DSCAM: variants seen among roughly 807,000 people sequenced by gnomAD.
DSCAM encodes the protein DS cell adhesion molecule.
In DSCAM, 47 loss-of-function variants were observed where a neutral mutation model predicts 217.7. The observed-to-expected ratio is 0.22, with a 90% CI of 0.17 to 0.28. DSCAM has a LOEUF of 0.28. Among genes scored for constraint, DSCAM ranks in the 10% least tolerant of loss-of-function variants. The pLI is 1.00. For synonymous variants in DSCAM, 1,056 were observed against 1,015.3 expected (o/e 1.04, Z -0.76); for missense variants, 2,080 against 2,618.3 (o/e 0.79, Z 4.49).
chr21:40,158,197 C>T (rs141557014), intron 16 of DSCAM, among the ~76,000 whole-genome samples: 1 of 151,982 alleles, frequency 6.6e-6, no homozygotes, highest in South Asian at 2.1e-4. Context: ...CCAGCCTGGG[C>T]AACATAGTGA....
chr21:40,696,922 C>T (rs1464160798), intron 2 of DSCAM, among the ~76,000 whole-genome samples: 1 of 152,098 alleles, frequency 6.6e-6, no homozygotes, highest in Non-Finnish European at 1.5e-5. Context: ...CACAGTAAAT[C>T]TTTTTTCTTC....
intron 23 of DSCAM, among the ~76,000 whole-genome samples, 196 bp downstream of exon 23, chr21:40,085,406 G>A (rs1393819394): frequency 1.3e-5 from 2 of 152,156 alleles, no homozygotes; most frequent in African/African-American, 2.4e-5. Context: ...TATTTCTGAG[G>A]TTGTGAATGC....
chr21:40,398,445 A>G (rs2075201903), intron 3 of DSCAM, among the ~76,000 whole-genome samples: 1 of 152,022 alleles, frequency 6.6e-6, no homozygotes, highest in Non-Finnish European at 1.5e-5. Flanking sequence ...TCCCTATCCC[A>G]TGTTTAAAAT....
At chr21:40,617,147 G>C (rs1335529043) in intron 3 of DSCAM, among the ~76,000 whole-genome samples, 2 of 131,252 alleles carry the variant, frequency 1.5e-5, no homozygotes, top group South Asian at 5.2e-4. Flanking sequence ...TTTTTAAGAC[G>C]GAGTCTTGCT....
intron 3 of DSCAM, among the ~76,000 whole-genome samples, chr21:40,452,956 A>G (rs2075732226): frequency 6.6e-6 from 1 of 152,004 alleles, no homozygotes; most frequent in African/African-American, 2.4e-5. Context: ...GGCATTTAAA[A>G]TGAGTTTGGA....
At chr21:40,449,821 C>T (rs1295201980) in intron 3 of DSCAM, among the ~76,000 whole-genome samples, 1 of 152,080 alleles carries the variant, frequency 6.6e-6, no homozygotes, top group Admixed American at 6.6e-5. Flanking sequence ...GCATACTGTA[C>T]CTCATAGGAA....
chr21:40,565,713 C>A (rs1216002706), intron 3 of DSCAM, among the ~76,000 whole-genome samples: 4 of 152,176 alleles, frequency 2.6e-5, no homozygotes, highest in African/African-American at 9.7e-5. Flanking sequence ...ATTGCCTGTC[C>A]ACATGCATCC....
At chr21:40,723,260 G>A (rs1045450490) in intron 1 of DSCAM, among the ~76,000 whole-genome samples, 1 of 152,120 alleles carries the variant, frequency 6.6e-6, no homozygotes, top group Non-Finnish European at 1.5e-5. Flanking sequence ...GGTCTCCTCA[G>A]TGTCCTAGGT....
At chr21:40,051,914 G>C (rs370592156) in intron 30 of DSCAM, 44 bp downstream of exon 30, 226 of 1,570,362 alleles carry the variant, frequency 1.4e-4, no homozygotes, top group South Asian at 6.4e-4. Context: ...TATGTTTTCA[G>C]CATTGTTAAC....
rs1018936023 is a variant in DSCAM at position 40,739,796 on chromosome 21, T to TC, written c.44-31026dup. ...TAGAGAATTAGTTTTTTTTTTTTTTTCCCCCAGAAAAGAAATTATCTCCTG... is the reference window on the plus strand; with the variant it reads ...TAGAGAATTAGTTTTTTTTTTTTTTTCCCCCCAGAAAAGAAATTATCTCCTG... On this transcript the variant is annotated intron_variant, in intron 1 of 32. Transcript: ENST00000400454. Among the ~76,000 whole-genome samples the TC allele has an allele frequency of 2.1e-4, 29 of 139,926 alleles. No individual in the cohort carries two copies. The South Asian group carries it at 3.5e-3, about 17-fold the overall frequency. 91.8% of individuals were successfully genotyped at this position (139,926 alleles called of 152,430 possible). A position where few individuals can be genotyped will look rare whatever the true frequency, so the allele number is the denominator to read the frequency against.
At chr21:40,802,497 A>G (rs1459504821) in intron 1 of DSCAM, among the ~76,000 whole-genome samples, 1 of 152,192 alleles carries the variant, frequency 6.6e-6, no homozygotes, top group Non-Finnish European at 1.5e-5. Context: ...GCAAAAGCCT[A>G]TGATATCAAT....
chr21:40,152,030 T>C (rs575348592), intron 16 of DSCAM, among the ~76,000 whole-genome samples: 4 of 152,136 alleles, frequency 2.6e-5, no homozygotes, highest in East Asian at 3.9e-4. Flanking sequence ...TTTATGATGA[T>C]GGACCTGCAG....
chr21:40,732,184 GAT>G (rs1253071968), intron 1 of DSCAM, among the ~76,000 whole-genome samples: 3 of 152,196 alleles, frequency 2.0e-5, no homozygotes, highest in Non-Finnish European at 4.4e-5. Context: ...GGACAAATGT[GAT>G]AGAATTCTGA....
intron 1 of DSCAM, among the ~76,000 whole-genome samples, chr21:40,730,788 T>TG (rs770187169): frequency 1.3e-5 from 2 of 152,202 alleles, no homozygotes; most frequent in Non-Finnish European, 2.9e-5. Context: ...TTGCATATTT[T>TG]GGGGCACCTA....
intron 8 of DSCAM, among the ~76,000 whole-genome samples, chr21:40,316,240 T>C (rs2074195390): frequency 6.6e-6 from 1 of 152,218 alleles, no homozygotes; most frequent in Non-Finnish European, 1.5e-5. Flanking sequence ...TTGCTTTGCT[T>C]GCCACATTAT....
intron 14 of DSCAM, among the ~76,000 whole-genome samples, chr21:40,186,646 C>T (rs1379968149): frequency 6.6e-6 from 1 of 152,118 alleles, no homozygotes. Context: ...GGAGGTTGCT[C>T]CAGAGTGAAT....
intron 3 of DSCAM, among the ~76,000 whole-genome samples, chr21:40,432,219 T>TAA (rs200187692): frequency 0.45 from 68,080 of 150,138 alleles, 16,084 homozygotes; most frequent in Admixed American, 0.58. Flanking sequence ...AAAAAATAAA[T>TAA]ATATAAATAA....
chr21:40,669,636 C>G (rs2090248195), intron 3 of DSCAM, among the ~76,000 whole-genome samples: 2 of 150,140 alleles, frequency 1.3e-5, no homozygotes, highest in Non-Finnish European at 3.0e-5. Context: ...CAGAGTACAG[C>G]AGCTTGATCT....
At chr21:40,572,958 T>A (rs1297708072) in intron 3 of DSCAM, among the ~76,000 whole-genome samples, 1 of 152,200 alleles carries the variant, frequency 6.6e-6, no homozygotes, top group African/African-American at 2.4e-5. Flanking sequence ...TACAATTTCT[T>A]GAGAAGATCA....
Sources: allele counts gnomAD v4.1 joint callset (sites outside exome capture counted in the v4.1 genomes callset), GRCh38; gene constraint gnomAD v4.1.1; transcripts MANE v1.5; gene names NCBI Gene and HGNC (gene_info 2026-07-23, HGNC 2026-07-21).